The following GNB5 variants were observed in gnomAD, a reference collection of about 807,000 sequenced individuals.
The protein encoded by GNB5 is G protein subunit beta 5.
GNB5 carries 37 observed loss-of-function variants against 55.3 expected under a neutral mutation model. The observed-to-expected ratio is 0.67, with a 90% CI of 0.51 to 0.88. The LOEUF (loss-of-function observed/expected upper bound fraction) is 0.88. Among genes scored for constraint, GNB5 ranks in the 40% least tolerant of loss-of-function variants. The probability of loss-of-function intolerance (pLI) is 0.00; values close to 1 mark genes in which losing one functional copy is unlikely to be tolerated. For synonymous variants in GNB5, 219 were observed against 198.5 expected (o/e 1.10, Z -0.87); for missense variants, 476 against 515.3 (o/e 0.92, Z 0.74).
At chr15:52,179,235 A>G (rs1473143502) in intron 3 of GNB5, among the ~76,000 whole-genome samples, 4 of 152,162 alleles carry the variant, frequency 2.6e-5, no homozygotes, top group African/African-American at 9.7e-5. Flanking sequence ...TCTCTCCGTC[A>G]TCCAGCTCCC....
rs202156951 is a variant in GNB5 at position 52,179,498 on chromosome 15, GA to G, written c.238+269del. ...TCGCAGCTTCCAGGCAGGTGATGAGGATAGCTAGTCCCGCGGTCCTCCGCTA... is the reference window on the plus strand; with the variant it reads ...TCGCAGCTTCCAGGCAGGTGATGAGGTAGCTAGTCCCGCGGTCCTCCGCTA... On this transcript the variant is annotated intron_variant, in intron 3 of 12. Coordinates refer to ENST00000261837, the MANE Select transcript of GNB5 (RefSeq NM_016194.4). 0.022 allele frequency among the ~76,000 whole-genome samples: 3,384 copies of G among 152,038 alleles called. 124 individuals carry two copies. The highest frequency in any genetic ancestry group is 0.077 in the African/African-American group (3,208 of 41,500).
chr15:52,182,463 C>G lies in GNB5; in HGVS notation c.126+2088G>C, dbSNP rs1230188971. ...TGGGGGTTCTTTGTGTAAAATAAACCTCGAACAGCCTCCAACCTGGAGAGT... is the reference window on the plus strand; with the variant it reads ...TGGGGGTTCTTTGTGTAAAATAAACGTCGAACAGCCTCCAACCTGGAGAGT... On this transcript the variant is annotated intron_variant, in intron 2 of 12. Transcript: ENST00000261837. 5.3e-5 allele frequency among the ~76,000 whole-genome samples: 8 copies of G among 152,280 alleles called. 1 individual carries two copies. The highest frequency in any genetic ancestry group is 5.2e-4 in the Admixed American group (8 of 15,298).
intron 3 of GNB5, among the ~76,000 whole-genome samples, chr15:52,157,377 G>T (rs184665416): frequency 6.6e-6 from 1 of 151,856 alleles, no homozygotes; most frequent in Non-Finnish European, 1.5e-5. Flanking sequence ...CTCCAGAGTA[G>T]TTGGGATTAC....
rs1311556820 is a variant in GNB5 at position 52,117,016 on chromosome 15, T to G, written c.*5741A>C. The stretch of plus-strand genomic sequence containing the variant: ...TCGGCTCACTGCAAGCTCTACCTCC[T>G]GGGTTCATGCCATTCTCCTGCCCCA... On this transcript the variant is annotated 3_prime_UTR_variant, in exon 13 of 13. Coordinates refer to ENST00000261837, the MANE Select transcript of GNB5 (RefSeq NM_016194.4). 1 of 148,322 alleles carries G rather than the reference T, an allele frequency of 6.7e-6. No homozygotes were observed. The highest frequency in any genetic ancestry group is 2.0e-4 in the East Asian group (1 of 5,036). 9.2% of individuals were successfully genotyped at this position (148,322 alleles called of 1,614,324 possible). A position where few individuals can be genotyped will look rare whatever the true frequency, so the allele number is the denominator to read the frequency against.
intron 12 of GNB5, chr15:52,123,648 T>C (rs2033335502): frequency 6.6e-6 from 1 of 152,116 alleles, no homozygotes; most frequent in Non-Finnish European, 1.5e-5. Flanking sequence ...GTTCAAGCGA[T>C]TCTCCAGCCT....
At chr15:52,145,827 G>A (rs993030690) in intron 6 of GNB5, among the ~76,000 whole-genome samples, 6 of 151,964 alleles carry the variant, frequency 3.9e-5, no homozygotes, top group Admixed American at 1.3e-4. Context: ...CTGGGGACTC[G>A]GGCTTTTCCT....
At chr15:52,153,205 C>T (rs943305091) in intron 4 of GNB5, among the ~76,000 whole-genome samples, 5 of 152,192 alleles carry the variant, frequency 3.3e-5, no homozygotes, top group Non-Finnish European at 5.9e-5. Context: ...GTGGATCACT[C>T]GCTCTGGGAG....
intron 3 of GNB5, among the ~76,000 whole-genome samples, chr15:52,174,243 A>G (rs1410781190): frequency 6.6e-6 from 1 of 152,250 alleles, no homozygotes; most frequent in Non-Finnish European, 1.5e-5. Context: ...GTCACCGATT[A>G]TAGACCTCCA....
At chr15:52,175,753 C>CAAAG (rs2034637940) in intron 3 of GNB5, among the ~76,000 whole-genome samples, 1 of 147,726 alleles carries the variant, frequency 6.8e-6, no homozygotes, top group Non-Finnish European at 1.5e-5. Context: ...AACAAACAAA[C>CAAAG]AAACAAACAA....
At chr15:52,184,083 A>T (rs1474711324) in intron 2 of GNB5, among the ~76,000 whole-genome samples, 3 of 152,164 alleles carry the variant, frequency 2.0e-5, no homozygotes, top group African/African-American at 7.2e-5. Flanking sequence ...TAGACTGTTT[A>T]TTTGCCAGCT....
At chr15:52,132,636 A>ATTTTTTTTTTTTTTTTTT (rs1216272462) in intron 9 of GNB5, among the ~76,000 whole-genome samples, 1 of 134,802 alleles carries the variant, frequency 7.4e-6, no homozygotes. Flanking sequence ...TGCCCTGCTA[A>ATTTTTTTTTTTTTTTTTT]TTTTTTTTTT....
chr15:52,139,976 C>T, intron 7 of GNB5: 3 of 1,261,218 alleles, frequency 2.4e-6, no homozygotes, highest in Non-Finnish European at 3.1e-6. Context: ...GCCTCAGGCC[C>T]AAAGACATCT....
chr15:52,147,122 C>A (rs563725217), intron 6 of GNB5: 54 of 222,828 alleles, frequency 2.4e-4, no homozygotes, highest in Non-Finnish European at 3.8e-4. Flanking sequence ...TAACTACTGT[C>A]AGTTTGTAAT....
In GNB5 at chr15:52,117,102, A is replaced by ATATATATATATATATATATATTTTTTT; in HGVS notation, c.*5654_*5655insAAAAAAATATATATATATATATATATA. ...CCACGCCCAGCTAATATATATATAT[A>ATATATATATATATATATATATTTTTTT]TTTTTTTTTAGTACAGACAGGGTTT... is the stretch of plus-strand genomic sequence containing the variant. On this transcript the variant is annotated 3_prime_UTR_variant, in exon 13 of 13. Transcript: ENST00000261837. 12 of 87,092 alleles carry ATATATATATATATATATATATTTTTTT rather than the reference A, an allele frequency of 1.4e-4. No homozygotes were observed. The highest frequency in any genetic ancestry group is 7.3e-4 in the African/African-American group (12 of 16,440). 5.4% of individuals were successfully genotyped at this position (87,092 alleles called of 1,614,324 possible). A position where few individuals can be genotyped will look rare whatever the true frequency, so the allele number is the denominator to read the frequency against.
At chr15:52,139,929 C>G in intron 7 of GNB5, 1 of 1,286,362 alleles carries the variant, frequency 7.8e-7, no homozygotes, top group Non-Finnish European at 1.0e-6. Flanking sequence ...CTGAGCCTGC[C>G]TTCATCCAGC....
chr15:52,153,554 C>T (rs1296698823), intron 4 of GNB5, among the ~76,000 whole-genome samples: 2 of 152,082 alleles, frequency 1.3e-5, no homozygotes, highest in Non-Finnish European at 2.9e-5. Flanking sequence ...AGATCTGTAT[C>T]TTAACATTGT....
At position 52,179,960 on chromosome 15, in the gene GNB5, C is replaced by A. The variant is rs1006542608; in HGVS notation, c.127-81G>T. The A allele has an allele frequency of 2.5e-4, 344 of 1,399,706 alleles. 1 individual carries two copies. The highest frequency in any genetic ancestry group is 1.4e-5 in the Non-Finnish European group (15 of 1,074,678). The allele number at this position is 1,399,706 out of a possible 1,614,324, so 86.7% of individuals were successfully genotyped here. Reference sequence around the variant, plus strand: ...CGGCGGGCGCCGCTCCAGCAGCCGTCCCCGGCCCCGAGCACCGCCCCGCGG... The same window carrying A: ...CGGCGGGCGCCGCTCCAGCAGCCGTACCCGGCCCCGAGCACCGCCCCGCGG... On this transcript the variant is annotated intron_variant, in intron 2 of 12. Transcript: ENST00000261837.
chr15:52,172,876 T>C (rs1162818355), intron 3 of GNB5, among the ~76,000 whole-genome samples: 1 of 152,184 alleles, frequency 6.6e-6, no homozygotes, highest in African/African-American at 2.4e-5. Context: ...TTACTGCATA[T>C]ACAAGCACCT....
chr15:52,166,579 T>A (rs2034455772), intron 3 of GNB5, among the ~76,000 whole-genome samples: 1 of 152,224 alleles, frequency 6.6e-6, no homozygotes, highest in Admixed American at 6.5e-5. Context: ...TGTTCCTGAA[T>A]GACTCCTAGG....
Sources: gnomAD v4.1 joint callset for allele counts (sites outside exome capture counted in the v4.1 genomes callset) on GRCh38, gnomAD v4.1.1 for gene constraint, MANE v1.5 for transcripts, NCBI Gene and HGNC (gene_info 2026-07-23, HGNC 2026-07-21) for gene names.